Variants in CLEC16A observed in about 807,000 individuals in gnomAD.
CLEC16A encodes C-type lectin domain containing 16A.
In CLEC16A, 51 loss-of-function variants were observed where a neutral mutation model predicts 109.5. The ratio of observed to expected loss-of-function variants is 0.47; its 90% CI spans 0.37 to 0.59. The LOEUF is 0.59. Ranked by LOEUF, CLEC16A falls within the 20% of genes least tolerant of loss-of-function variation. The pLI, the probability that CLEC16A is intolerant of heterozygous loss-of-function variation, is 0.00. For synonymous variants in CLEC16A, 673 were observed against 564.2 expected (o/e 1.19, Z -2.73); for missense variants, 1,339 against 1,394.0 (o/e 0.96, Z 0.63).
chr16:11,093,390 G>T (rs925134010), intron 19 of CLEC16A, among the ~76,000 whole-genome samples: 1 of 152,144 alleles, frequency 6.6e-6, no homozygotes, highest in Non-Finnish European at 1.5e-5. Flanking sequence ...GTGCTTCAAG[G>T]CCTCCTAAAC....
At chr16:11,148,585 A>C (rs1451604371) in intron 22 of CLEC16A, among the ~76,000 whole-genome samples, 1 of 152,198 alleles carries the variant, frequency 6.6e-6, no homozygotes, top group Non-Finnish European at 1.5e-5. Flanking sequence ...TTACACAGCC[A>C]GTCAGCATCA....
chr16:11,165,716 G>A (rs2068232621), intron 22 of CLEC16A, among the ~76,000 whole-genome samples: 1 of 152,168 alleles, frequency 6.6e-6, no homozygotes, highest in Non-Finnish European at 1.5e-5. Flanking sequence ...GTGTCTCCAA[G>A]ATGAGGGGCT....
chr16:11,147,961 C>T (rs992809738), intron 22 of CLEC16A, among the ~76,000 whole-genome samples: 4 of 152,166 alleles, frequency 2.6e-5, no homozygotes, highest in Admixed American at 6.5e-5. Flanking sequence ...GCCTTTTTTC[C>T]ATTTCTTTTT....
chr16:11,043,871 C>T (rs139307900), intron 15 of CLEC16A, among the ~76,000 whole-genome samples, 157 bp from the exon 16 acceptor site: 2 of 148,712 alleles, frequency 1.3e-5, no homozygotes, highest in East Asian at 1.9e-4. Context: ...AAGACTCCAT[C>T]TCAAGAAAAG....
chr16:10,996,035 C>G (rs1019440680), intron 10 of CLEC16A, among the ~76,000 whole-genome samples: 11 of 152,106 alleles, frequency 7.2e-5, no homozygotes, highest in African/African-American at 2.7e-4. Context: ...GTCTCTCTTT[C>G]CTTCGTGCTC....
intron 19 of CLEC16A, among the ~76,000 whole-genome samples, chr16:11,075,757 GGGGAGGATGAGGTGCTT>G (rs1296652798): frequency 6.6e-6 from 1 of 152,006 alleles, no homozygotes; most frequent in East Asian, 1.9e-4. Flanking sequence ...TTTTGACCAG[GGGGAGGATGAGGTGCTT>G]GGGAGGATGA....
chr16:11,178,557 T>TC lies in CLEC16A; in HGVS notation c.3035dup (p.Val1013SerfsTer2). On this transcript the variant is annotated frameshift_variant, in exon 24 of 24. Coordinates refer to ENST00000409790, the MANE Select transcript of CLEC16A (RefSeq NM_015226.3). LOFTEE classifies it low-confidence loss of function (END_TRUNC). The surrounding 1 kb of genome is among the most constrained non-coding windows in gnomAD (Gnocchi z 6.5). ...CTGAGCGTCGAATCGCTGACCCTTG[T>TC]CCCCCCAGTTGACCCCCACAGCCTC... 1.2e-6 allele frequency: 2 copies of TC among 1,612,194 alleles called. No individual in the cohort carries two copies.
chr16:11,063,357 AC>A (rs1423184812), intron 19 of CLEC16A, among the ~76,000 whole-genome samples: 6 of 139,918 alleles, frequency 4.3e-5, no homozygotes, highest in African/African-American at 1.6e-4. Context: ...GGGGAAAATC[AC>A]CCTAGTGTGC....
intron 19 of CLEC16A, among the ~76,000 whole-genome samples, chr16:11,094,281 C>T (rs557047580): frequency 6.6e-6 from 1 of 152,280 alleles, no homozygotes; most frequent in South Asian, 2.1e-4. Flanking sequence ...TAACATGAGT[C>T]AGGGGTTCCA....
chr16:11,060,947 C>T lies in CLEC16A; in HGVS notation c.2041C>T (p.Arg681Ter), dbSNP rs200316563. The T allele has an allele frequency of 6.2e-7, 1 of 1,612,392 alleles. No homozygotes were observed. Among genetic ancestry groups the T allele is most frequent in the African/African-American group, 1.3e-5 (1 of 74,832 alleles). Residue 681 changes from arginine (R) to a stop codon, truncating the protein, a stop_gained, in exon 19 of 24, where the codon CGA becomes TGA. Transcript: ENST00000409790. LOFTEE classifies it high-confidence loss of function. ...FMLRSLSLQL[R>*]GEPETQLPLT... The stretch of plus-strand genomic sequence containing the variant: ...GCTGCGTTCCCTGTCACTGCAATTG[C>T]GAGGGGAGCCTGAGACACAGTTGCC...
At chr16:10,956,171 G>A (rs1199210214) in intron 1 of CLEC16A, among the ~76,000 whole-genome samples, 1 of 152,212 alleles carries the variant, frequency 6.6e-6, no homozygotes, top group African/African-American at 2.4e-5. Context: ...TTGAGGATTT[G>A]TGTTTTTTGA....
intron 8 of CLEC16A, among the ~76,000 whole-genome samples, 178 bp downstream of exon 8, chr16:10,977,577 G>T (rs539760986): frequency 6.6e-6 from 1 of 152,056 alleles, no homozygotes; most frequent in African/African-American, 2.4e-5. Context: ...GCAGTGGTGC[G>T]ATCTTGGCTC....
At chr16:11,027,158 A>G in intron 13 of CLEC16A, 1 of 1,424,290 alleles carries the variant, frequency 7.0e-7, no homozygotes, top group Non-Finnish European at 9.8e-7. Flanking sequence ...AGAAAGGAAA[A>G]GGGCTCAGGT....
chr16:10,953,837 C>T (rs1160017341), intron 1 of CLEC16A, among the ~76,000 whole-genome samples: 1 of 152,106 alleles, frequency 6.6e-6, no homozygotes, highest in Non-Finnish European at 1.5e-5. Flanking sequence ...ATTAGCCGAG[C>T]GTGCTGGCGG....
intron 18 of CLEC16A, among the ~76,000 whole-genome samples, chr16:11,057,930 G>A (rs1014834694): frequency 2.0e-5 from 3 of 152,206 alleles, no homozygotes; most frequent in African/African-American, 7.2e-5. Context: ...GCTTAGATGA[G>A]ACAACCCCGT....
At chr16:11,128,102 G>A (rs759216583) in intron 22 of CLEC16A, among the ~76,000 whole-genome samples, 3 of 152,278 alleles carry the variant, frequency 2.0e-5, no homozygotes, top group Non-Finnish European at 4.4e-5. Flanking sequence ...GACTTCTTTA[G>A]GGTCATTGAG....
At chr16:11,003,779 C>G (rs1032609261) in intron 11 of CLEC16A, among the ~76,000 whole-genome samples, 7 of 151,682 alleles carry the variant, frequency 4.6e-5, no homozygotes, top group African/African-American at 1.7e-4. Flanking sequence ...TCCCAATAAC[C>G]TGGGGTTATG....
intron 11 of CLEC16A, among the ~76,000 whole-genome samples, chr16:11,012,236 A>G (rs1031496344): frequency 1.3e-5 from 2 of 152,222 alleles, no homozygotes; most frequent in Admixed American, 6.5e-5. Flanking sequence ...TCTAACTTCT[A>G]CATAAAGGCC....
chr16:11,180,871 CGGGA>C lies in CLEC16A; in HGVS notation c.*2184_*2187del, dbSNP rs954155017. 8 of 152,544 alleles carry C rather than the reference CGGGA, an allele frequency of 5.2e-5. No individual in the cohort carries two copies. The highest frequency in any genetic ancestry group is 1.9e-4 in the African/African-American group (8 of 41,436). The allele number at this position is 152,544 out of a possible 1,614,324, so 9.4% of individuals were successfully genotyped here. A position where few individuals can be genotyped will look rare whatever the true frequency, so the allele number is the denominator to read the frequency against. On this transcript the variant is annotated 3_prime_UTR_variant, in exon 24 of 24. Coordinates refer to ENST00000409790, the MANE Select transcript of CLEC16A (RefSeq NM_015226.3). ...CTTGGTCAGGGCTGGACAGCATGCCCGGGAGGACCAGCAGAGGATTAAAGGTGAC... is the reference window on the plus strand; with the variant it reads ...CTTGGTCAGGGCTGGACAGCATGCCCGGACCAGCAGAGGATTAAAGGTGAC...
Sources: allele counts gnomAD v4.1 joint callset (sites outside exome capture counted in the v4.1 genomes callset), GRCh38; gene constraint gnomAD v4.1.1; non-coding constraint Gnocchi (gnomAD v3.1); transcripts MANE v1.5; gene names NCBI Gene and HGNC (gene_info 2026-07-23, HGNC 2026-07-21).